Variants in CDH1 observed in about 807,000 individuals in gnomAD.
CDH1 encodes cadherin 1, also known as cadherin-1.
CDH1 carries 35 observed loss-of-function variants against 84.5 expected under a neutral mutation model. The observed-to-expected ratio is 0.41, with a 90% CI of 0.32 to 0.55. CDH1 has a LOEUF of 0.55. Ranked by LOEUF, CDH1 falls within the 20% of genes least tolerant of loss-of-function variation. The pLI is 0.19. For synonymous variants in CDH1, 417 were observed against 439.0 expected (o/e 0.95, Z 0.63); for missense variants, 994 against 1,126.6 (o/e 0.88, Z 1.68).
intron 2 of CDH1, among the ~76,000 whole-genome samples, chr16:68,759,323 C>A (rs1343718879): frequency 6.6e-6 from 1 of 152,024 alleles, no homozygotes; most frequent in African/African-American, 2.4e-5. Flanking sequence ...CATAGCAAGA[C>A]CCCCATCTCT....
At chr16:68,749,028 G>A (rs1962820019) in intron 2 of CDH1, among the ~76,000 whole-genome samples, 1 of 152,098 alleles carries the variant, frequency 6.6e-6, no homozygotes. Context: ...AATAGAGACG[G>A]GATTTCATCA....
chr16:68,746,919 A>C (rs553092412), intron 2 of CDH1, among the ~76,000 whole-genome samples: 15 of 152,316 alleles, frequency 9.8e-5, no homozygotes, highest in African/African-American at 3.1e-4. Flanking sequence ...ATTGCACTCT[A>C]GCCTGGGCAA....
At chr16:68,820,384 T>C (rs1240443778) in intron 11 of CDH1, among the ~76,000 whole-genome samples, 6 of 149,786 alleles carry the variant, frequency 4.0e-5, no homozygotes, top group Non-Finnish European at 5.9e-5. Context: ...AGAGTCTTGC[T>C]CTGTCACCCA....
chr16:68,743,373 C>CTTTT (rs1166103878), intron 2 of CDH1, among the ~76,000 whole-genome samples: 1 of 125,274 alleles, frequency 8.0e-6, no homozygotes, highest in African/African-American at 3.0e-5. Context: ...CTTTTCTTTT[C>CTTTT]TTTCTTTTGA....
chr16:68,798,907 T>C (rs79567964), intron 2 of CDH1, among the ~76,000 whole-genome samples: 1 of 152,220 alleles, frequency 6.6e-6, no homozygotes, highest in African/African-American at 2.4e-5. Context: ...TCTTTCATCA[T>C]CTTATGGCTC....
intron 2 of CDH1, among the ~76,000 whole-genome samples, chr16:68,796,925 G>GC (rs1960377949): frequency 6.6e-6 from 1 of 151,838 alleles, no homozygotes; most frequent in African/African-American, 2.4e-5. Flanking sequence ...ATCGCTTGAG[G>GC]CCAGGAGTTC....
chr16:68,784,041 C>T (rs1434436901), intron 2 of CDH1, among the ~76,000 whole-genome samples: 2 of 152,108 alleles, frequency 1.3e-5, no homozygotes, highest in Admixed American at 1.3e-4. Flanking sequence ...TTTATCCAGC[C>T]CTCTGTCAAT....
intron 2 of CDH1, among the ~76,000 whole-genome samples, chr16:68,790,095 T>A (rs1329309205): frequency 6.6e-6 from 1 of 152,130 alleles, no homozygotes; most frequent in Non-Finnish European, 1.5e-5. Context: ...GGAAAGTCTC[T>A]GTGCAGCACA....
At chr16:68,743,279 GTC>G (rs997677134) in intron 2 of CDH1, among the ~76,000 whole-genome samples, 2 of 150,128 alleles carry the variant, frequency 1.3e-5, no homozygotes, top group Non-Finnish European at 3.0e-5. Flanking sequence ...TCCTTGCTGG[GTC>G]TCTTTCTTTC....
chr16:68,829,903 T>G, intron 15 of CDH1, 106 bp downstream of exon 15: 1 of 1,227,102 alleles, frequency 8.1e-7, no homozygotes, highest in Non-Finnish European at 1.2e-6. Context: ...TTTACTATGT[T>G]TTCAGCTTGC....
chr16:68,766,877 A>C (rs1459041001), intron 2 of CDH1, among the ~76,000 whole-genome samples: 1 of 150,722 alleles, frequency 6.6e-6, no homozygotes, highest in East Asian at 2.0e-4. Context: ...ACAGGCACCC[A>C]CCATCACGCC....
At chr16:68,810,457 A>C in intron 6 of CDH1, 116 bp downstream of exon 6, 1 of 959,112 alleles carries the variant, frequency 1.0e-6, no homozygotes, top group East Asian at 2.4e-5. Flanking sequence ...CTACGGACAG[A>C]ACTTCTTGGC....
chr16:68,776,615 T>C (rs1305583180), intron 2 of CDH1, among the ~76,000 whole-genome samples: 1 of 152,156 alleles, frequency 6.6e-6, no homozygotes, highest in African/African-American at 2.4e-5. Flanking sequence ...GCTATCCTCC[T>C]ACCTTGGCTT....
chr16:68,793,182 TGTG>T (rs1960258472), intron 2 of CDH1, among the ~76,000 whole-genome samples: 1 of 151,458 alleles, frequency 6.6e-6, no homozygotes, highest in Admixed American at 6.6e-5. Context: ...GGAAAAATGT[TGTG>T]GTTGACGTTG....
intron 2 of CDH1, among the ~76,000 whole-genome samples, chr16:68,786,534 C>CTTTTTT (rs3074434): frequency 0.1 from 7,370 of 73,742 alleles, 557 homozygotes; most frequent in African/African-American, 0.1. Flanking sequence ...TTTTTTTTTT[C>CTTTTTT]TTTTTTTTTT....
intron 2 of CDH1, among the ~76,000 whole-genome samples, chr16:68,745,549 A>AATATATATATATATATATATGT (rs1555510456): frequency 2.7e-5 from 2 of 75,182 alleles, no homozygotes; most frequent in African/African-American, 1.1e-4. Context: ...AAAAAAAAAA[A>AATATATATATATATATATATGT]ATATATATAT....
At chr16:68,792,770 TA>T (rs1248912679) in intron 2 of CDH1, among the ~76,000 whole-genome samples, 1 of 152,084 alleles carries the variant, frequency 6.6e-6, no homozygotes, top group Non-Finnish European at 1.5e-5. Flanking sequence ...CTTCAGAAAG[TA>T]AAGGGTAAAG....
At chr16:68,746,563 G>A (rs904805619) in intron 2 of CDH1, among the ~76,000 whole-genome samples, 36 of 152,226 alleles carry the variant, frequency 2.4e-4, no homozygotes, top group African/African-American at 8.7e-4. Context: ...CCAGCCCAAG[G>A]CCAGGGATCC....
At chr16:68,832,483 C>A (rs1961511857) in intron 15 of CDH1, among the ~76,000 whole-genome samples, 1 of 151,028 alleles carries the variant, frequency 6.6e-6, no homozygotes, top group African/African-American at 2.5e-5. Context: ...GACTCCATCT[C>A]AAAATAAATA....
Sources: gnomAD v4.1 joint callset for allele counts (sites outside exome capture counted in the v4.1 genomes callset) on GRCh38, gnomAD v4.1.1 for gene constraint, MANE v1.5 for transcripts, NCBI Gene and HGNC (gene_info 2026-07-23, HGNC 2026-07-21) for gene names.